The following SLC8A3 variants were observed in gnomAD, a reference collection of about 807,000 sequenced individuals.
SLC8A3 encodes solute carrier family 8 member A3.
SLC8A3 carries 37 observed loss-of-function variants against 65.4 expected under a neutral mutation model. The ratio of observed to expected loss-of-function variants is 0.57; its 90% CI spans 0.44 to 0.74. The LOEUF is 0.74. SLC8A3 is among the 30% of genes least tolerant of loss of function. SLC8A3 has a pLI of 0.00. For missense variants in SLC8A3, 1,112 were observed against 1,172.1 expected, an observed-to-expected ratio of 0.95 and a Z score of 0.75; for synonymous variants, 461 against 444.5, an observed-to-expected ratio of 1.04 and a Z score of -0.47.
chr14:70,138,147 C>A lies in SLC8A3; in HGVS notation c.1784+28492G>T, dbSNP rs139690618. ...TGGTCTTGAGTGGGTGGGTGGCTGG[C>A]AGAGCATCCTGATGGACTGTGTGCC... On this transcript the variant is annotated intron_variant, in intron 2 of 6. Coordinates refer to ENST00000356921, the MANE Select transcript of SLC8A3 (RefSeq NM_182932.3). Among the ~76,000 whole-genome samples, 730 of 152,244 alleles carry A rather than the reference C, an allele frequency of 4.8e-3. 3 individuals are homozygous for A. Among genetic ancestry groups the A allele is most frequent in the African/African-American group, 0.016 (681 of 41,528 alleles).
At chr14:70,149,726 C>G (rs1354404103) in intron 2 of SLC8A3, among the ~76,000 whole-genome samples, 1 of 152,178 alleles carries the variant, frequency 6.6e-6, no homozygotes, top group Non-Finnish European at 1.5e-5. Context: ...TCCTTGAGAC[C>G]AGAAAGACTT....
chr14:70,125,273 C>T (rs951980363), intron 2 of SLC8A3, among the ~76,000 whole-genome samples: 1 of 152,116 alleles, frequency 6.6e-6, no homozygotes, highest in African/African-American at 2.4e-5. Flanking sequence ...ATTCATCACC[C>T]AAATAATGTA....
chr14:70,063,147 C>T (rs1469107593), intron 2 of SLC8A3, among the ~76,000 whole-genome samples: 1 of 152,148 alleles, frequency 6.6e-6, no homozygotes, highest in African/African-American at 2.4e-5. Context: ...TGCCTCCACA[C>T]CTGGGTGTTC....
intron 2 of SLC8A3, among the ~76,000 whole-genome samples, chr14:70,099,336 C>G (rs1238551191): frequency 6.6e-6 from 1 of 152,164 alleles, no homozygotes; most frequent in Non-Finnish European, 1.5e-5. Context: ...CCCTATGTTG[C>G]CCACAAAGAT....
intron 2 of SLC8A3, among the ~76,000 whole-genome samples, chr14:70,090,050 T>A (rs7148459): frequency 6.6e-6 from 1 of 151,898 alleles, no homozygotes; most frequent in Non-Finnish European, 1.5e-5. Context: ...TCTTTTTTTT[T>A]AACATATTTT....
In SLC8A3 at chr14:70,167,574, C is replaced by T; in HGVS notation, c.849G>A (p.Lys283=). ...IIIETEGDHP[K]GIEMDGKMMN... is the part of the protein sequence containing the mutation. Reference sequence around the variant, plus strand: ...TCATTTTCCCATCCATCTCAATGCCCTTAGGGTGGTCACCCTCTGTCTCTA... The same window carrying T: ...TCATTTTCCCATCCATCTCAATGCCTTTAGGGTGGTCACCCTCTGTCTCTA... The change falls in exon 2 of 7, where the codon AAG becomes AAA. Residue 283 remains lysine (K), a synonymous_variant. Transcript: ENST00000356921. 1.2e-6 allele frequency: 2 copies of T among 1,614,108 alleles called. No individual in the cohort carries two copies. Among genetic ancestry groups the T allele is most frequent in the East Asian group, 2.2e-5 (1 of 44,876 alleles).
At chr14:70,051,147 T>C (rs769231156) in intron 4 of SLC8A3, 40 bp from the exon 5 acceptor site, 5 of 1,369,158 alleles carry the variant, frequency 3.7e-6, no homozygotes, top group Non-Finnish European at 4.2e-6. Context: ...GAGGTTAGAA[T>C]GCTCAGAACC....
At chr14:70,082,810 G>A (rs1891149837) in intron 2 of SLC8A3, among the ~76,000 whole-genome samples, 1 of 152,196 alleles carries the variant, frequency 6.6e-6, no homozygotes, top group Non-Finnish European at 1.5e-5. Context: ...TGGGCACAGA[G>A]GGAGGCAAGA....
intron 1 of SLC8A3, among the ~76,000 whole-genome samples, chr14:70,174,501 C>T (rs1897742718): frequency 1.3e-5 from 2 of 151,712 alleles, no homozygotes; most frequent in South Asian, 2.1e-4. Context: ...CCCAGAGCCA[C>T]GTGAAAGCCA....
chr14:70,172,765 T>C (rs1020663665), intron 1 of SLC8A3, among the ~76,000 whole-genome samples: 3 of 152,012 alleles, frequency 2.0e-5, no homozygotes, highest in African/African-American at 7.3e-5. Flanking sequence ...TAAACACTTT[T>C]ATTGTAAAAA....
At chr14:70,140,301 C>A (rs367584383) in intron 2 of SLC8A3, among the ~76,000 whole-genome samples, 1 of 152,130 alleles carries the variant, frequency 6.6e-6, no homozygotes, top group Non-Finnish European at 1.5e-5. Flanking sequence ...TGAACTGAGT[C>A]CCCATGCATC....
chr14:70,152,170 C>T (rs1203179416), intron 2 of SLC8A3, among the ~76,000 whole-genome samples: 1 of 152,104 alleles, frequency 6.6e-6, no homozygotes, highest in East Asian at 1.9e-4. Flanking sequence ...TGGGAAGCAA[C>T]ACCTCCCTGA....
intron 3 of SLC8A3, chr14:70,060,562 G>T: frequency 1.8e-6 from 1 of 567,944 alleles, no homozygotes; most frequent in Non-Finnish European, 3.3e-6. Context: ...GTAATGAGGA[G>T]TTGAGGCTGC....
intron 2 of SLC8A3, among the ~76,000 whole-genome samples, chr14:70,109,830 G>A (rs1893158323): frequency 6.6e-6 from 1 of 152,062 alleles, no homozygotes; most frequent in Non-Finnish European, 1.5e-5. Flanking sequence ...ACTTGTTAAA[G>A]CAGAAATGAC....
chr14:70,082,136 T>A (rs970321230), intron 2 of SLC8A3, among the ~76,000 whole-genome samples: 11 of 152,222 alleles, frequency 7.2e-5, no homozygotes, highest in African/African-American at 2.7e-4. Flanking sequence ...GTGACAGAAC[T>A]AGGATTTGAC....
intron 2 of SLC8A3, among the ~76,000 whole-genome samples, chr14:70,156,076 G>A (rs1015876683): frequency 3.3e-5 from 5 of 152,100 alleles, no homozygotes; most frequent in Admixed American, 3.3e-4. Flanking sequence ...CCACAGGGAG[G>A]GGCAGACCAT....
chr14:70,180,495 C>T (rs1044947766), intron 1 of SLC8A3, among the ~76,000 whole-genome samples: 3 of 149,770 alleles, frequency 2.0e-5, no homozygotes, highest in African/African-American at 7.5e-5. Flanking sequence ...TGTGCTCTTC[C>T]ATAATGATTT....
At chr14:70,142,124 G>C (rs1167292219) in intron 2 of SLC8A3, among the ~76,000 whole-genome samples, 1 of 152,218 alleles carries the variant, frequency 6.6e-6, no homozygotes, top group African/African-American at 2.4e-5. Context: ...TGAGACCCAA[G>C]TTGGGCTGAT....
rs559737091 is a variant in SLC8A3 at position 70,044,332 on chromosome 14, T to C, written c.*1615A>G. ...CACTGTTTCTTTTTTAATTATTTTT[T>C]TCTTAAAAAATGTGTTTAAAATTAA... On this transcript the variant is annotated 3_prime_UTR_variant, in exon 7 of 7. Coordinates refer to ENST00000356921, the MANE Select transcript of SLC8A3 (RefSeq NM_182932.3). 6.6e-6 allele frequency: 1 copy of C among 152,278 alleles called. No homozygotes were observed. Among genetic ancestry groups the C allele is most frequent in the East Asian group, 1.9e-4 (1 of 5,186 alleles). 9.4% of individuals were successfully genotyped at this position (152,278 alleles called of 1,614,324 possible).
Sources: allele counts gnomAD v4.1 joint callset (sites outside exome capture counted in the v4.1 genomes callset), GRCh38; gene constraint gnomAD v4.1.1; transcripts MANE v1.5; gene names NCBI Gene and HGNC (gene_info 2026-07-23, HGNC 2026-07-21).